The following CNTLN variants were observed in gnomAD, a reference collection of about 807,000 sequenced individuals.
The protein encoded by CNTLN is centlein, centrosomal protein.
In CNTLN, 212 loss-of-function variants were observed where a neutral mutation model predicts 180.0. The observed-to-expected ratio is 1.18, with a 90% confidence interval of 1.05 to 1.32. The LOEUF (loss-of-function observed/expected upper bound fraction) is 1.32, where lower values mean the gene tolerates loss of function less well. Ranked by LOEUF, CNTLN falls within the 40% of genes most tolerant of loss-of-function variation. CNTLN has a pLI of 0.00. For synonymous variants in CNTLN, 722 were observed against 563.1 expected (o/e 1.28, Z -3.99); for missense variants, 2,095 against 1,610.9 (o/e 1.30, Z -5.14).
chr9:17,472,309 A>T lies in CNTLN; in HGVS notation c.3855+5418A>T, dbSNP rs1489200434. ...AGTAAGATGTAGGAATGAATATTCA[A>T]ATAGATCTCAGAAGCCAATTGGAAC... On this transcript the variant is annotated intron_variant, in intron 23 of 25. Transcript: ENST00000380647. Among the ~76,000 whole-genome samples the T allele has an allele frequency of 2.0e-5, 3 of 152,130 alleles. 1 individual carries two copies. Among genetic ancestry groups the T allele is most frequent in the South Asian group, 4.1e-4 (2 of 4,828 alleles).
chr9:17,291,673 T>G (rs913070185), intron 6 of CNTLN, among the ~76,000 whole-genome samples: 3 of 152,200 alleles, frequency 2.0e-5, no homozygotes, highest in Admixed American at 6.5e-5. Context: ...TTTTCCTCCA[T>G]TCCTTTATTT....
chr9:17,158,147 T>C (rs902645473), intron 2 of CNTLN, among the ~76,000 whole-genome samples: 3 of 152,178 alleles, frequency 2.0e-5, no homozygotes, highest in Non-Finnish European at 4.4e-5. Context: ...TTCTGTCTAT[T>C]GAGATGATCA....
At chr9:17,222,065 C>T (rs556753445) in intron 2 of CNTLN, among the ~76,000 whole-genome samples, 1 of 152,092 alleles carries the variant, frequency 6.6e-6, no homozygotes, top group South Asian at 2.1e-4. Context: ...CTCTCACTGC[C>T]CTGGATCATT....
At chr9:17,452,410 T>G (rs765279019) in intron 18 of CNTLN, among the ~76,000 whole-genome samples, 1 of 152,216 alleles carries the variant, frequency 6.6e-6, no homozygotes, top group Non-Finnish European at 1.5e-5. Flanking sequence ...GCTAGGACAT[T>G]CAATGCTGTA....
chr9:17,322,497 G>T (rs537704704), intron 8 of CNTLN, among the ~76,000 whole-genome samples: 2 of 152,132 alleles, frequency 1.3e-5, no homozygotes, highest in African/African-American at 4.8e-5. Context: ...GAATGAAACA[G>T]CCCAAGATAT....
intron 5 of CNTLN, among the ~76,000 whole-genome samples, chr9:17,238,207 T>C (rs2132169875): frequency 6.6e-6 from 1 of 152,292 alleles, no homozygotes; most frequent in African/African-American, 2.4e-5. Context: ...TCTACAGACG[T>C]TGAATAAAGA....
In CNTLN at chr9:17,452,669, A is replaced by G. The variant is rs79517980; in HGVS notation, c.3115-4855A>G. On this transcript the variant is annotated intron_variant, in intron 18 of 25. Transcript: ENST00000380647. ...AAAACAGAGAACTAGTATAGTGCCA[A>G]CTACATAGTGTGTGTAAAAAGAATA... Among the ~76,000 whole-genome samples the G allele has an allele frequency of 3.1e-3, 473 of 152,322 alleles. 6 individuals carry two copies. The highest frequency in any genetic ancestry group is 0.011 in the African/African-American group (452 of 41,572).
At chr9:17,154,926 G>T (rs1039046585) in intron 2 of CNTLN, among the ~76,000 whole-genome samples, 2 of 152,164 alleles carry the variant, frequency 1.3e-5, no homozygotes, top group African/African-American at 2.4e-5. Context: ...TCTTGCTGCT[G>T]CTCACTCTTT....
chr9:17,331,054 T>C (rs1434131790), intron 9 of CNTLN, among the ~76,000 whole-genome samples: 1 of 151,996 alleles, frequency 6.6e-6, no homozygotes, highest in Non-Finnish European at 1.5e-5. Context: ...ATTTTGTCAG[T>C]AAATTAACAT....
intron 2 of CNTLN, among the ~76,000 whole-genome samples, chr9:17,178,178 C>G (rs537376305): frequency 6.8e-5 from 10 of 147,054 alleles, no homozygotes; most frequent in South Asian, 2.2e-4. Context: ...TAACTAGATA[C>G]GGAGTGTCGA....
chr9:17,377,628 G>A (rs541467931), intron 13 of CNTLN, among the ~76,000 whole-genome samples: 1 of 152,290 alleles, frequency 6.6e-6, no homozygotes, highest in African/African-American at 2.4e-5. Context: ...ATATTTGTAA[G>A]AACCTAGATG....
chr9:17,513,215 G>C, the CNTLN span, among the ~76,000 whole-genome samples: 1 of 151,928 alleles, frequency 6.6e-6, no homozygotes, highest in Non-Finnish European at 1.5e-5. Flanking sequence ...TAAACCATCT[G>C]TGAGGCAAAG....
At chr9:17,514,800 T>G in the CNTLN span, among the ~76,000 whole-genome samples, 1 of 152,186 alleles carries the variant, frequency 6.6e-6, no homozygotes, top group Non-Finnish European at 1.5e-5. Flanking sequence ...GCATACAGAA[T>G]TATTGTGACT....
At chr9:17,385,566 T>A (rs1221482045) in intron 13 of CNTLN, among the ~76,000 whole-genome samples, 1 of 152,190 alleles carries the variant, frequency 6.6e-6, no homozygotes, top group Non-Finnish European at 1.5e-5. Context: ...TTAGAAACTA[T>A]GTTTCAGGAA....
intron 8 of CNTLN, among the ~76,000 whole-genome samples, chr9:17,314,137 C>G (rs1392068511): frequency 6.6e-6 from 1 of 152,228 alleles, no homozygotes; most frequent in Non-Finnish European, 1.5e-5. Context: ...TTATGCCCAA[C>G]TTGCTCTTAA....
chr9:17,266,317 G>T (rs541051502), intron 5 of CNTLN, among the ~76,000 whole-genome samples: 2 of 152,254 alleles, frequency 1.3e-5, no homozygotes, highest in East Asian at 3.9e-4. Flanking sequence ...CTCAGGACCA[G>T]GTTGTTGAGT....
chr9:17,250,570 A>C (rs1826077987), intron 5 of CNTLN, among the ~76,000 whole-genome samples: 1 of 152,060 alleles, frequency 6.6e-6, no homozygotes. Context: ...TATAGCAATA[A>C]AATTTGAATT....
chr9:17,181,314 C>T (rs1821112708), intron 2 of CNTLN, among the ~76,000 whole-genome samples: 1 of 152,178 alleles, frequency 6.6e-6, no homozygotes, highest in Non-Finnish European at 1.5e-5. Context: ...GGCTGTTGAG[C>T]CCATCTATTG....
At chr9:17,156,173 C>T (rs529233841) in intron 2 of CNTLN, among the ~76,000 whole-genome samples, 28 of 152,256 alleles carry the variant, frequency 1.8e-4, no homozygotes, top group African/African-American at 5.8e-4. Flanking sequence ...TGTTCCCTTT[C>T]GGCCATCTTG....
Sources: gnomAD v4.1 joint callset for allele counts (sites outside exome capture counted in the v4.1 genomes callset) on GRCh38, gnomAD v4.1.1 for gene constraint, MANE v1.5 for transcripts, NCBI Gene and HGNC (gene_info 2026-07-23, HGNC 2026-07-21) for gene names.